The following KCNJ6 variants were observed in gnomAD, a reference collection of about 807,000 sequenced individuals.
KCNJ6 encodes the protein G protein-activated inward rectifier potassium channel 2.
A neutral mutation model predicts 34.2 loss-of-function variants in KCNJ6; 9 were observed. The observed-to-expected ratio is 0.26, with a 90% CI of 0.16 to 0.46. The LOEUF (loss-of-function observed/expected upper bound fraction) is 0.46. Among genes scored for constraint, KCNJ6 ranks in the 20% least tolerant of loss-of-function variants. KCNJ6 has a pLI of 1.00. For missense variants in KCNJ6, 236 were observed against 531.3 expected, an observed-to-expected ratio of 0.44 and a Z score of 5.46; for synonymous variants, 196 against 207.1, an observed-to-expected ratio of 0.95 and a Z score of 0.46.
chr21:37,915,573 G>T lies in KCNJ6; in HGVS notation c.-28+311C>A, dbSNP rs570307714. 3.8e-3 allele frequency among the ~76,000 whole-genome samples: 573 copies of T among 152,334 alleles called. 1 individual carries two copies. The highest frequency in any genetic ancestry group is 6.2e-3 in the Non-Finnish European group (421 of 68,038). On this transcript the variant is annotated intron_variant, in intron 1 of 3. Transcript: ENST00000609713. ...CAGTGCATTTAAGTCTTTGCCAGCGGATGTTGAAATGATGTCTGCAATAAC... is the reference window on the plus strand; with the variant it reads ...CAGTGCATTTAAGTCTTTGCCAGCGTATGTTGAAATGATGTCTGCAATAAC...
chr21:37,864,919 G>A (rs2055614752), intron 1 of KCNJ6, among the ~76,000 whole-genome samples: 1 of 149,730 alleles, frequency 6.7e-6, no homozygotes, highest in Admixed American at 6.6e-5. Context: ...TGCCCAGGCT[G>A]GTCTTGAAAT....
At chr21:37,800,825 A>T (rs1467939332) in intron 2 of KCNJ6, among the ~76,000 whole-genome samples, 1 of 152,228 alleles carries the variant, frequency 6.6e-6, no homozygotes, top group Non-Finnish European at 1.5e-5. Flanking sequence ...CCAACCTCCC[A>T]GCCCATGACT....
intron 2 of KCNJ6, among the ~76,000 whole-genome samples, chr21:37,802,454 C>T (rs1041847736): frequency 7.2e-6 from 1 of 139,806 alleles, no homozygotes; most frequent in Admixed American, 7.1e-5. Context: ...AAGGGTAGGG[C>T]GGGAGGGACA....
intron 3 of KCNJ6, among the ~76,000 whole-genome samples, chr21:37,664,040 TAAG>T (rs1457236643): frequency 3.3e-5 from 5 of 152,218 alleles, no homozygotes; most frequent in Non-Finnish European, 7.3e-5. Context: ...TGAAATTAAT[TAAG>T]AAGTCAGTAG....
chr21:37,698,405 AG>A (rs1389433496), intron 3 of KCNJ6, among the ~76,000 whole-genome samples: 2 of 152,196 alleles, frequency 1.3e-5, no homozygotes, highest in African/African-American at 4.8e-5. Context: ...GGAGTGCGGG[AG>A]GGGGGCTCAT....
chr21:37,626,183 T>A (rs2054310160), intron 3 of KCNJ6, among the ~76,000 whole-genome samples: 1 of 150,546 alleles, frequency 6.6e-6, no homozygotes, highest in South Asian at 2.1e-4. Flanking sequence ...CAGGCTGGAG[T>A]GCAGTGGTGC....
intron 3 of KCNJ6, among the ~76,000 whole-genome samples, chr21:37,647,703 C>A (rs1242040899): frequency 6.6e-6 from 1 of 152,164 alleles, no homozygotes; most frequent in African/African-American, 2.4e-5. Context: ...CCAGCATCAT[C>A]CATTCCTTCT....
chr21:37,898,593 A>G (rs1376046246), intron 1 of KCNJ6, among the ~76,000 whole-genome samples: 3 of 151,830 alleles, frequency 2.0e-5, no homozygotes, highest in Non-Finnish European at 4.4e-5. Context: ...AAAAGAAAAA[A>G]AAAAAAAAGA....
intron 1 of KCNJ6, among the ~76,000 whole-genome samples, chr21:37,903,569 A>T (rs2055826960): frequency 6.6e-6 from 1 of 152,160 alleles, no homozygotes; most frequent in Non-Finnish European, 1.5e-5. Context: ...TTGTGGTTGG[A>T]ATATGAAGCA....
At chr21:37,629,695 G>A (rs140824923) in intron 3 of KCNJ6, among the ~76,000 whole-genome samples, 1 of 152,256 alleles carries the variant, frequency 6.6e-6, no homozygotes, top group Non-Finnish European at 1.5e-5. Flanking sequence ...AGCCTTGTGA[G>A]AAAATAAATT....
intron 2 of KCNJ6, among the ~76,000 whole-genome samples, chr21:37,775,935 C>A (rs1404802437): frequency 6.6e-6 from 1 of 151,984 alleles, no homozygotes; most frequent in Admixed American, 6.6e-5. Flanking sequence ...TATAAATTAC[C>A]TTGGGCAGTA....
chr21:37,668,198 C>A (rs1423999457), intron 3 of KCNJ6, among the ~76,000 whole-genome samples: 3 of 152,124 alleles, frequency 2.0e-5, no homozygotes, highest in African/African-American at 7.2e-5. Flanking sequence ...CTTCTCTGGT[C>A]TTCTGCCTCA....
intron 2 of KCNJ6, among the ~76,000 whole-genome samples, chr21:37,801,774 C>G (rs890245065): frequency 4.6e-5 from 7 of 151,950 alleles, no homozygotes; most frequent in African/African-American, 1.7e-4. Context: ...AGGTGTGGAC[C>G]CCTTTCCCGA....
At position 37,837,138 on chromosome 21, in the gene KCNJ6, T is replaced by C. The variant is rs76590575; in HGVS notation, c.25+3520A>G. Among the ~76,000 whole-genome samples the C allele has an allele frequency of 1.4e-3, 218 of 152,280 alleles. 2 individuals carry two copies. The East Asian group carries it at 0.027, about 19-fold the overall frequency. On this transcript the variant is annotated intron_variant, in intron 2 of 3. Transcript: ENST00000609713. The stretch of plus-strand genomic sequence containing the variant: ...CCGTACATATATTTTCTCTATGCTT[T>C]GTGCGTGTTTTTGTTGTTTCTCTAT...
chr21:37,751,717 C>T (rs916163738), intron 2 of KCNJ6, among the ~76,000 whole-genome samples: 29 of 152,190 alleles, frequency 1.9e-4, no homozygotes, highest in African/African-American at 6.7e-4. Flanking sequence ...ATGATTGTGC[C>T]AGCTTTCACA....
At chr21:37,712,679 CTT>C (rs2054765453) in intron 3 of KCNJ6, among the ~76,000 whole-genome samples, 2 of 98,168 alleles carry the variant, frequency 2.0e-5, no homozygotes, top group Non-Finnish European at 4.4e-5. Flanking sequence ...CTCTTCCCTC[CTT>C]CCTCCCCTTC....
At chr21:37,807,194 A>C (rs1158850101) in intron 2 of KCNJ6, among the ~76,000 whole-genome samples, 2 of 152,218 alleles carry the variant, frequency 1.3e-5, no homozygotes, top group Admixed American at 6.5e-5. Flanking sequence ...GGGAACATTG[A>C]GTGTAGTTAG....
intron 2 of KCNJ6, among the ~76,000 whole-genome samples, chr21:37,722,739 A>G (rs2054833274): frequency 1.3e-5 from 2 of 152,238 alleles, no homozygotes. Flanking sequence ...CCATGTGCAG[A>G]AGAATGAAAT....
intron 2 of KCNJ6, among the ~76,000 whole-genome samples, chr21:37,804,230 T>C (rs957886135): frequency 6.6e-6 from 1 of 152,034 alleles, no homozygotes; most frequent in Admixed American, 6.6e-5. Flanking sequence ...CACTCATTGT[T>C]TGTAGGATTG....
Sources: allele counts gnomAD v4.1 joint callset (sites outside exome capture counted in the v4.1 genomes callset), GRCh38; gene constraint gnomAD v4.1.1; transcripts MANE v1.5; gene names NCBI Gene and HGNC (gene_info 2026-07-23, HGNC 2026-07-21).